The following GRM5 variants were observed in gnomAD, a reference collection of about 807,000 sequenced individuals.
GRM5 encodes metabotropic glutamate receptor 5.
In GRM5, 19 loss-of-function variants were observed where a neutral mutation model predicts 83.1. The observed-to-expected ratio is 0.23, with a 90% CI of 0.16 to 0.34. The LOEUF is 0.34. Among genes scored for constraint, GRM5 ranks in the 10% least tolerant of loss-of-function variants. The pLI, the probability that GRM5 is intolerant of heterozygous loss-of-function variation, is 1.00. For missense variants in GRM5, 1,160 were observed against 1,588.3 expected (o/e 0.73, Z 4.58); for synonymous variants, 675 against 633.6 (o/e 1.07, Z -0.98).
intron 8 of GRM5, among the ~76,000 whole-genome samples, chr11:88,551,741 A>T (rs1942513869): frequency 6.6e-6 from 1 of 152,270 alleles, no homozygotes; most frequent in Admixed American, 6.5e-5. Context: ...GGTCTAATAA[A>T]CTTTTCTTAC....
chr11:88,990,561 A>T (rs1485437431), intron 2 of GRM5, among the ~76,000 whole-genome samples: 11 of 150,670 alleles, frequency 7.3e-5, no homozygotes, highest in African/African-American at 2.7e-4. Flanking sequence ...CACAACCAAA[A>T]AAGAGAATTT....
chr11:88,983,571 A>G (rs1376729213), intron 2 of GRM5, among the ~76,000 whole-genome samples: 2 of 152,198 alleles, frequency 1.3e-5, no homozygotes, highest in African/African-American at 2.4e-5. Flanking sequence ...AGTCTTTTTT[A>G]TAATATCTCA....
chr11:88,592,529 C>T (rs181994439), intron 6 of GRM5, among the ~76,000 whole-genome samples: 40 of 152,194 alleles, frequency 2.6e-4, no homozygotes, highest in Admixed American at 4.6e-4. Flanking sequence ...AGTTGCATTT[C>T]CCCCCACTAG....
intron 2 of GRM5, among the ~76,000 whole-genome samples, chr11:88,855,506 T>A (rs539519688): frequency 3.9e-4 from 59 of 152,024 alleles, no homozygotes; most frequent in African/African-American, 1.2e-3. Flanking sequence ...CTCTGTAATT[T>A]GTAATTGCTA....
chr11:89,006,472 C>T (rs185454406), intron 2 of GRM5, among the ~76,000 whole-genome samples: 3 of 152,162 alleles, frequency 2.0e-5, no homozygotes, highest in Non-Finnish European at 4.4e-5. Context: ...ACCATCCAGG[C>T]TGAAGAACCT....
At chr11:88,742,728 T>C (rs1000062) in intron 3 of GRM5, among the ~76,000 whole-genome samples, 83,670 of 151,998 alleles carry the variant, frequency 0.55, 24,469 homozygotes, top group South Asian at 0.82. Flanking sequence ...AGGAATGTTT[T>C]TGTCCTTACC....
intron 1 of GRM5, among the ~76,000 whole-genome samples, chr11:89,063,157 T>C (rs1420232683): frequency 6.6e-6 from 1 of 152,226 alleles, no homozygotes; most frequent in Admixed American, 6.5e-5. Context: ...CTCGGGTGGT[T>C]TGTGGGAGCA....
intron 2 of GRM5, among the ~76,000 whole-genome samples, chr11:88,985,848 C>T (rs1213706538): frequency 2.0e-5 from 3 of 152,090 alleles, no homozygotes; most frequent in Non-Finnish European, 2.9e-5. Flanking sequence ...GTTATCAAAA[C>T]ATAACTGCTA....
intron 9 of GRM5, among the ~76,000 whole-genome samples, chr11:88,514,318 T>C (rs1489578458): frequency 1.3e-5 from 2 of 152,206 alleles, no homozygotes; most frequent in Non-Finnish European, 2.9e-5. Context: ...TTTGTTTACA[T>C]TTTGGGTCTG....
At chr11:88,752,315 G>A (rs892178211) in intron 3 of GRM5, among the ~76,000 whole-genome samples, 8 of 151,694 alleles carry the variant, frequency 5.3e-5, no homozygotes, top group South Asian at 2.1e-4. Flanking sequence ...AACAACAGGC[G>A]AGCCAGAAGC....
intron 3 of GRM5, among the ~76,000 whole-genome samples, chr11:88,686,659 C>T (rs1362753183): frequency 1.3e-5 from 2 of 152,042 alleles, no homozygotes; most frequent in African/African-American, 4.8e-5. Flanking sequence ...GGGGACCTTT[C>T]CCCCATACTG....
At chr11:88,609,684 G>T (rs1465084751) in intron 4 of GRM5, among the ~76,000 whole-genome samples, 1 of 152,136 alleles carries the variant, frequency 6.6e-6, no homozygotes, top group Non-Finnish European at 1.5e-5. Flanking sequence ...TCTGTAGGTT[G>T]TCTGTTTACT....
chr11:88,643,281 T>A (rs1939347709), intron 4 of GRM5, among the ~76,000 whole-genome samples: 1 of 125,360 alleles, frequency 8.0e-6, no homozygotes, highest in African/African-American at 2.8e-5. Flanking sequence ...GCTTTACAAC[T>A]AGATCTGGTG....
At chr11:88,928,044 G>A (rs1945818771) in intron 2 of GRM5, among the ~76,000 whole-genome samples, 1 of 151,916 alleles carries the variant, frequency 6.6e-6, no homozygotes, top group South Asian at 2.1e-4. Flanking sequence ...TTATTACCAG[G>A]GGCTCATGAG....
At chr11:88,706,664 G>C (rs2051956555) in intron 3 of GRM5, among the ~76,000 whole-genome samples, 1 of 152,048 alleles carries the variant, frequency 6.6e-6, no homozygotes, top group South Asian at 2.1e-4. Context: ...TTTTTCTAAT[G>C]CCTTATCTAC....
At chr11:88,771,641 C>T (rs4753733) in intron 3 of GRM5, among the ~76,000 whole-genome samples, 109,863 of 151,900 alleles carry the variant, frequency 0.72, 40,165 homozygotes, top group African/African-American at 0.75. Context: ...CTGACTCAAA[C>T]GTTAATCTCC....
chr11:88,670,147 G>A (rs188753550), intron 3 of GRM5, among the ~76,000 whole-genome samples: 3 of 151,758 alleles, frequency 2.0e-5, no homozygotes, highest in Admixed American at 2.0e-4. Context: ...AAAGAAGTAG[G>A]AAAAAATGTT....
intron 4 of GRM5, among the ~76,000 whole-genome samples, chr11:88,610,202 G>T (rs535901093): frequency 6.6e-6 from 1 of 151,592 alleles, no homozygotes; most frequent in South Asian, 2.1e-4. Flanking sequence ...CTTGATTTGA[G>T]ATCTTTTTGA....
At chr11:88,731,366 C>T (rs907152385) in intron 3 of GRM5, among the ~76,000 whole-genome samples, 7 of 152,036 alleles carry the variant, frequency 4.6e-5, no homozygotes, top group African/African-American at 7.2e-5. Context: ...CTCCCATTGC[C>T]TGACAAATCA....
Sources: gnomAD v4.1 joint callset for allele counts (sites outside exome capture counted in the v4.1 genomes callset) on GRCh38, gnomAD v4.1.1 for gene constraint, MANE v1.5 for transcripts, NCBI Gene and HGNC (gene_info 2026-07-23, HGNC 2026-07-21) for gene names.